DDB1: variants seen among roughly 807,000 people sequenced by gnomAD.
DDB1 encodes damage specific DNA binding protein 1.
A neutral mutation model predicts 133.1 loss-of-function variants in DDB1; 18 were observed. The observed-to-expected ratio is 0.14, with a 90% confidence interval of 0.09 to 0.20. DDB1 has a LOEUF of 0.20. Ranked by LOEUF, DDB1 falls within the 10% of genes least tolerant of loss-of-function variation. The pLI, the probability that DDB1 is intolerant of heterozygous loss-of-function variation, is 1.00. For missense variants in DDB1, 828 were observed against 1,459.2 expected (o/e 0.57, Z 7.05); for synonymous variants, 580 against 550.5 (o/e 1.05, Z -0.75).
chr11:61,329,635 C>A, intron 3 of DDB1, 51 bp from the exon 4 acceptor site: 4 of 1,529,804 alleles, frequency 2.6e-6, no homozygotes, highest in Non-Finnish European at 3.5e-6. Flanking sequence ...CACAGAGCAA[C>A]AGAGGACGCT....
At chr11:61,310,166 T>G (rs1855940949) in intron 19 of DDB1, 129 bp downstream of exon 19, 1 of 1,429,636 alleles carries the variant, frequency 7.0e-7, no homozygotes, top group South Asian at 1.3e-5. Context: ...CTCACAGAAT[T>G]CCCACCCCTC....
At position 61,332,937 on chromosome 11, in the gene DDB1, T is replaced by C; in HGVS notation, c.32A>G (p.Lys11Arg). 6.6e-7 allele frequency: 1 copy of C among 1,516,410 alleles called. No individual in the cohort carries two copies. 93.9% of individuals were successfully genotyped at this position (1,516,410 alleles called of 1,614,324 possible). Reference protein sequence around the residue: MSYNYVVTAQKPTAVNGCVTG... With the variant: MSYNYVVTAQRPTAVNGCVTG... Reference sequence around the variant, plus strand: ...CACGCAGCCGTTCACGGCGGTGGGCTTCTGGGCCGTTACCACGTAGTTGTA... The same window carrying C: ...CACGCAGCCGTTCACGGCGGTGGGCCTCTGGGCCGTTACCACGTAGTTGTA... The change falls in exon 1 of 27, where the codon AAG becomes AGG. Residue 11 changes from lysine to arginine, a missense_variant. Physicochemically the swap from Lys to Arg is conservative, Grantham distance 26. Around this residue, in one of 7 missense-constraint regions of DDB1, gnomAD observed 210 missense variants for 344.8 expected, o/e 0.61. Coordinates refer to ENST00000301764, the MANE Select transcript of DDB1 (RefSeq NM_001923.5).
chr11:61,328,806 G>T (rs897258549), intron 4 of DDB1, among the ~76,000 whole-genome samples: 2 of 152,046 alleles, frequency 1.3e-5, no homozygotes, highest in African/African-American at 2.4e-5. Flanking sequence ...GGAGGCGGAG[G>T]TTGCAGTGAG....
chr11:61,320,051 T>C (rs879278574), intron 10 of DDB1, among the ~76,000 whole-genome samples: 2 of 152,210 alleles, frequency 1.3e-5, no homozygotes, highest in Admixed American at 1.3e-4. Context: ...ATTGACTGTG[T>C]TTACATGAAA....
chr11:61,324,695 C>G (rs1005123677), intron 6 of DDB1, among the ~76,000 whole-genome samples: 1 of 152,046 alleles, frequency 6.6e-6, no homozygotes, highest in Non-Finnish European at 1.5e-5. Context: ...AGATTTTGTT[C>G]TTTTTTCTCA....
chr11:61,320,299 C>G (rs1485270262), intron 10 of DDB1, among the ~76,000 whole-genome samples: 1 of 151,930 alleles, frequency 6.6e-6, no homozygotes. Context: ...CTCCCAGGTT[C>G]AAGTGCCTCT....
intron 10 of DDB1, among the ~76,000 whole-genome samples, chr11:61,318,985 G>A (rs865774140): frequency 1.3e-5 from 2 of 152,184 alleles, no homozygotes; most frequent in Non-Finnish European, 2.9e-5. Context: ...GACCGCTTGA[G>A]CCTAGGAGTT....
chr11:61,308,863 C>A (rs2134902372), intron 21 of DDB1, 120 bp downstream of exon 21: 3 of 963,924 alleles, frequency 3.1e-6, no homozygotes, highest in Middle Eastern at 3.1e-4. Context: ...ATCCTCCACA[C>A]CCGCTACTTT....
intron 5 of DDB1, among the ~76,000 whole-genome samples, 171 bp downstream of exon 5, chr11:61,326,608 G>GA (rs1565038070): frequency 6.6e-6 from 1 of 151,920 alleles, no homozygotes; most frequent in African/African-American, 2.4e-5. Context: ...CTCAAAGACA[G>GA]AAAAAAACAA....
In DDB1 at chr11:61,303,028, G is replaced by A; in HGVS notation, c.2942+18C>T. On this transcript the variant is annotated intron_variant, in intron 23 of 26. Transcript: ENST00000301764. Reference sequence around the variant, plus strand: ...CTCCCAGCCCTCCCCACCACTCCCAGAGCTGGCCACTACTCACCTATCCTT... The same window carrying A: ...CTCCCAGCCCTCCCCACCACTCCCAAAGCTGGCCACTACTCACCTATCCTT... 1.2e-6 allele frequency: 2 copies of A among 1,610,038 alleles called. No individual in the cohort carries two copies. The highest frequency in any genetic ancestry group is 1.7e-6 in the Non-Finnish European group (2 of 1,176,404).
At chr11:61,317,810 T>C (rs146073300) in intron 10 of DDB1, among the ~76,000 whole-genome samples, 1 of 152,296 alleles carries the variant, frequency 6.6e-6, no homozygotes, top group East Asian at 1.9e-4. Context: ...CAGCCTAAAT[T>C]TATTTTTTAA....
At position 61,300,705 on chromosome 11, in the gene DDB1, C is replaced by T. The variant is rs746349175; in HGVS notation, c.3339+104G>A. Reference sequence around the variant, plus strand: ...GGTAAGGATTACACAGAGGTCCCCTCGCATCTTGGAACTGAGGAGGAGAGG... The same window carrying T: ...GGTAAGGATTACACAGAGGTCCCCTTGCATCTTGGAACTGAGGAGGAGAGG... On this transcript the variant is annotated intron_variant, in intron 26 of 26. Coordinates refer to ENST00000301764, the MANE Select transcript of DDB1 (RefSeq NM_001923.5). 1.2e-4 allele frequency: 183 copies of T among 1,526,550 alleles called. No individual in the cohort carries two copies. In the African/African-American group the frequency reaches 1.3e-3, roughly 11 times the overall value. 94.6% of individuals were successfully genotyped at this position (1,526,550 alleles called of 1,614,324 possible).
intron 18 of DDB1, 79 bp from the exon 19 acceptor site, chr11:61,310,497 G>A: frequency 6.8e-7 from 1 of 1,461,304 alleles, no homozygotes; most frequent in South Asian, 1.5e-5. Flanking sequence ...GGACCCGTCA[G>A]ATCAGGACAC....
At chr11:61,302,505 G>A (rs1338009344) in intron 24 of DDB1, 77 bp downstream of exon 24, 15 of 1,595,738 alleles carry the variant, frequency 9.4e-6, no homozygotes, top group Middle Eastern at 1.7e-4. Context: ...TTGTACAGTT[G>A]CTCTCCCCAG....
rs1433874080 is a variant in DDB1, at chr11:61,314,382, G to A, written c.1515C>T (p.Ser505=). 6.2e-7 allele frequency: 1 copy of A among 1,614,254 alleles called. No individual in the cohort carries two copies. Residue 505 remains serine (S), a synonymous_variant, in exon 13 of 27, where the codon AGC becomes AGT. Coordinates refer to ENST00000301764, the MANE Select transcript of DDB1 (RefSeq NM_001923.5). ...AKNISVASCN[S]SQVVVAVGRA... is the part of the protein sequence containing the mutation. The stretch of plus-strand genomic sequence containing the variant: ...TGCCTACAGCCACCACCACCTGGCT[G>A]CTATTGCAGGAGGCCACACTGATGT...
intron 10 of DDB1, among the ~76,000 whole-genome samples, chr11:61,320,358 C>T (rs1419263884): frequency 1.3e-5 from 2 of 151,632 alleles, no homozygotes; most frequent in African/African-American, 4.9e-5. Flanking sequence ...CCACACCATG[C>T]CTGGCTAATT....
At chr11:61,326,030 G>A in intron 5 of DDB1, 1 of 385,614 alleles carries the variant, frequency 2.6e-6, no homozygotes, top group East Asian at 5.8e-5. Flanking sequence ...CCAAGTAAAA[G>A]CTTTTACTTT....
rs1178873641 is a variant in DDB1, at chr11:61,333,092, A to T, written c.-124T>A. ...CACTGCCGCTGCCTCCGCCCCAGAG[A>T]CACGTTGCAGGCCAGAGCGGCCGGG... On this transcript the variant is annotated 5_prime_UTR_variant, in exon 1 of 27. Coordinates refer to ENST00000301764, the MANE Select transcript of DDB1 (RefSeq NM_001923.5). 9.6e-6 allele frequency: 9 copies of T among 941,520 alleles called. No homozygotes were observed. Among genetic ancestry groups the T allele is most frequent in the Non-Finnish European group, 1.3e-5 (9 of 672,222 alleles). The allele number at this position is 941,520 out of a possible 1,614,324, so 58.3% of individuals were successfully genotyped here.
chr11:61,304,915 T>C (rs1855861432), intron 21 of DDB1, among the ~76,000 whole-genome samples: 1 of 152,014 alleles, frequency 6.6e-6, no homozygotes, highest in Non-Finnish European at 1.5e-5. Flanking sequence ...AACTGCTTTT[T>C]TCTGTCTCCA....
Sources: allele counts gnomAD v4.1 joint callset (sites outside exome capture counted in the v4.1 genomes callset), GRCh38; gene constraint gnomAD v4.1.1; regional missense constraint gnomAD v4.1.1; transcripts MANE v1.5; gene names NCBI Gene and HGNC (gene_info 2026-07-23, HGNC 2026-07-21).